PPM1H: variants seen among roughly 807,000 people sequenced by gnomAD.
The protein encoded by PPM1H is protein phosphatase, Mg2+/Mn2+ dependent 1H, also known as protein phosphatase 1H.
Under a neutral mutation model 54.9 loss-of-function variants are expected in PPM1H, and 27 were observed. The observed-to-expected ratio is 0.49, with a 90% CI of 0.36 to 0.68. PPM1H has a LOEUF of 0.68. PPM1H is among the 30% of genes least tolerant of loss of function. PPM1H has a pLI of 0.00. For synonymous variants in PPM1H, 305 were observed against 270.8 expected (o/e 1.13, Z -1.24); for missense variants, 596 against 667.8 (o/e 0.89, Z 1.19).
intron 1 of PPM1H, among the ~76,000 whole-genome samples, chr12:62,912,822 T>C (rs1188581169): frequency 6.6e-6 from 1 of 152,214 alleles, no homozygotes; most frequent in Non-Finnish European, 1.5e-5. Context: ...AAAAGCAGAT[T>C]TGTTCCCCAG....
intron 4 of PPM1H, among the ~76,000 whole-genome samples, chr12:62,781,396 C>G (rs1388608183): frequency 2.0e-5 from 3 of 152,202 alleles, no homozygotes; most frequent in Non-Finnish European, 4.4e-5. Context: ...AGGAGCTTGC[C>G]CTGCGTGTGG....
At chr12:62,755,952 T>A (rs1244983391) in intron 4 of PPM1H, 1 of 905,248 alleles carries the variant, frequency 1.1e-6, no homozygotes, top group Non-Finnish European at 1.8e-6. Context: ...AATGTGTCAG[T>A]TGTGGGCCTG....
At chr12:62,910,634 G>A (rs879397769) in intron 1 of PPM1H, among the ~76,000 whole-genome samples, 22 of 152,106 alleles carry the variant, frequency 1.4e-4, no homozygotes, top group Non-Finnish European at 2.2e-4. Context: ...ACTTTATCCA[G>A]GCTAACACAC....
intron 5 of PPM1H, among the ~76,000 whole-genome samples, chr12:62,725,111 T>C (rs1348734259): frequency 6.6e-6 from 1 of 152,198 alleles, no homozygotes; most frequent in Non-Finnish European, 1.5e-5. Context: ...TGACTCCCAC[T>C]TCAGGAATGT....
chr12:62,740,672 C>T (rs999683747), intron 4 of PPM1H, among the ~76,000 whole-genome samples: 1 of 152,208 alleles, frequency 6.6e-6, no homozygotes, highest in South Asian at 2.1e-4. Context: ...CTGTCTTGAT[C>T]GACACTGCAG....
rs1218425675 is a variant in PPM1H, at chr12:62,644,057, G to A, written c.*4432C>T. The A allele has an allele frequency of 2.6e-5, 4 of 152,008 alleles. No individual in the cohort carries two copies. The highest frequency in any genetic ancestry group is 7.3e-5 in the African/African-American group (3 of 41,376). 9.4% of individuals were successfully genotyped at this position (152,008 alleles called of 1,614,324 possible). A position where few individuals can be genotyped will look rare whatever the true frequency, so the allele number is the denominator to read the frequency against. On this transcript the variant is annotated 3_prime_UTR_variant, in exon 10 of 10. Coordinates refer to ENST00000228705, the MANE Select transcript of PPM1H (RefSeq NM_020700.2). ...GTCATTGAACATATACATTTCTTTA[G>A]CTTTTTCCAGGGGACATTGCACCTA...
rs148401169 is a variant in PPM1H, at chr12:62,855,636, C to T, written c.246-23357G>A. Among the ~76,000 whole-genome samples, 90 of 152,254 alleles carry T rather than the reference C, an allele frequency of 5.9e-4. No homozygotes were observed. In the East Asian group the frequency reaches 0.015, roughly 25 times the overall value. On this transcript the variant is annotated intron_variant, in intron 1 of 9. Coordinates refer to ENST00000228705, the MANE Select transcript of PPM1H (RefSeq NM_020700.2). ...TTCAAGTTGTATGAATCCAATCTTC[C>T]GGTAATCAGTAGAAAGTTCAAGACT...
chr12:62,793,034 A>G (rs2076709405), intron 3 of PPM1H, among the ~76,000 whole-genome samples: 1 of 152,234 alleles, frequency 6.6e-6, no homozygotes, highest in South Asian at 2.1e-4. Flanking sequence ...ACAAAAATCA[A>G]TGAAACCACG....
chr12:62,840,785 C>T (rs1366357610), intron 1 of PPM1H, among the ~76,000 whole-genome samples: 1 of 152,138 alleles, frequency 6.6e-6, no homozygotes, highest in Non-Finnish European at 1.5e-5. Context: ...AGCCTATAAC[C>T]AATGGAAGAA....
At chr12:62,884,180 T>C (rs1270756866) in intron 1 of PPM1H, among the ~76,000 whole-genome samples, 1 of 152,088 alleles carries the variant, frequency 6.6e-6, no homozygotes, top group Non-Finnish European at 1.5e-5. Context: ...TACTAGTTGA[T>C]TGCTTATCAC....
intron 2 of PPM1H, among the ~76,000 whole-genome samples, chr12:62,813,579 A>G (rs1592612385): frequency 6.6e-6 from 1 of 152,236 alleles, no homozygotes; most frequent in East Asian, 1.9e-4. Flanking sequence ...ATAGTAGACA[A>G]CAGGTTAAAA....
At chr12:62,740,647 G>T (rs534916451) in intron 4 of PPM1H, among the ~76,000 whole-genome samples, 1 of 152,348 alleles carries the variant, frequency 6.6e-6, no homozygotes, top group African/African-American at 2.4e-5. Flanking sequence ...CCTGTAAGCT[G>T]GACAAGAACC....
intron 1 of PPM1H, among the ~76,000 whole-genome samples, chr12:62,849,321 T>C (rs1156920736): frequency 6.6e-6 from 1 of 152,250 alleles, no homozygotes; most frequent in African/African-American, 2.4e-5. Context: ...ACTTGTGATT[T>C]AATTGCATAT....
intron 1 of PPM1H, among the ~76,000 whole-genome samples, chr12:62,925,521 T>C (rs1233795544): frequency 6.6e-6 from 1 of 152,224 alleles, no homozygotes; most frequent in Non-Finnish European, 1.5e-5. Context: ...GGTGTTGTAG[T>C]GAGCCAAGAT....
chr12:62,677,294 C>T (rs994289550), intron 8 of PPM1H, among the ~76,000 whole-genome samples: 6 of 152,176 alleles, frequency 3.9e-5, no homozygotes, highest in African/African-American at 7.2e-5. Flanking sequence ...CACTGAATGG[C>T]GGGACTGAAA....
At chr12:62,809,204 C>G (rs2076822014) in intron 2 of PPM1H, among the ~76,000 whole-genome samples, 1 of 152,100 alleles carries the variant, frequency 6.6e-6, no homozygotes, top group Non-Finnish European at 1.5e-5. Context: ...GCATACACCA[C>G]CACACCAGGC....
At chr12:62,679,039 T>C (rs1265262796) in intron 8 of PPM1H, among the ~76,000 whole-genome samples, 1 of 152,138 alleles carries the variant, frequency 6.6e-6, no homozygotes, top group Non-Finnish European at 1.5e-5. Context: ...CAGGCTGGAA[T>C]GCAGCGGTGA....
rs577077043 is a variant in PPM1H at position 62,722,360 on chromosome 12, A to G, written c.955-2071T>C. 9.2e-5 allele frequency among the ~76,000 whole-genome samples: 14 copies of G among 152,278 alleles called. No homozygotes were observed. In the East Asian group the frequency reaches 2.1e-3, roughly 23 times the overall value. On this transcript the variant is annotated intron_variant, in intron 5 of 9. Coordinates refer to ENST00000228705, the MANE Select transcript of PPM1H (RefSeq NM_020700.2). ...TTCATACACCTGATCTTACTCCCCA[A>G]CAATTTTACAAAGCAGGAGTCGATT...
intron 9 of PPM1H, among the ~76,000 whole-genome samples, chr12:62,659,620 CAAAA>C (rs1565747447): frequency 2.0e-5 from 3 of 152,056 alleles, no homozygotes; most frequent in African/African-American, 7.2e-5. Context: ...AAAAGAAAAA[CAAAA>C]AGAAAAGGAA....
Sources: allele counts gnomAD v4.1 joint callset (sites outside exome capture counted in the v4.1 genomes callset), GRCh38; gene constraint gnomAD v4.1.1; transcripts MANE v1.5; gene names NCBI Gene and HGNC (gene_info 2026-07-23, HGNC 2026-07-21).